Variants in FBXO34 observed in about 807,000 individuals in gnomAD.
FBXO34 encodes F-box protein 34, also known as F-box only protein 34.
In FBXO34, 12 loss-of-function variants were observed where a neutral mutation model predicts 24.5. The ratio of observed to expected loss-of-function variants is 0.49; its 90% CI spans 0.31 to 0.79. FBXO34 has a LOEUF of 0.79. FBXO34 is among the 30% of genes least tolerant of loss of function. The pLI is 0.04. For synonymous variants in FBXO34, 320 were observed against 311.9 expected, an observed-to-expected ratio of 1.03 and a Z score of -0.27; for missense variants, 823 against 857.7, an observed-to-expected ratio of 0.96 and a Z score of 0.51.
Position 55,325,277 on chromosome 14 carries a change from C to T in FBXO34, c.-10-25104C>T, listed in dbSNP as rs866415515. ...TTAGTTACTTTAGTGGATTTTTCTT[C>T]CCAACCAGACTGTTGCATAGGAACC... On this transcript the variant is annotated intron_variant, in intron 1 of 1. Transcript: ENST00000313833. Among the ~76,000 whole-genome samples, 18 of 152,228 alleles carry T rather than the reference C, an allele frequency of 1.2e-4. No individual in the cohort carries two copies. The South Asian group carries it at 2.7e-3, about 23-fold the overall frequency.
At chr14:55,382,266 GC>G in the FBXO34 span, 11 of 1,342,864 alleles carry the variant, frequency 8.2e-6, no homozygotes, top group Admixed American at 5.7e-5. Flanking sequence ...TGCAAGACAT[GC>G]TAGAACATCG....
At chr14:55,307,255 C>T (rs1882583120) in intron 1 of FBXO34, among the ~76,000 whole-genome samples, 2 of 152,178 alleles carry the variant, frequency 1.3e-5, no homozygotes, top group Admixed American at 1.3e-4. Flanking sequence ...TACTACTAGC[C>T]TTTTGTGTTC....
the FBXO34 span, chr14:55,391,293 G>C: frequency 2.2e-3 from 430 of 197,006 alleles, 2 homozygotes; most frequent in African/African-American, 9.8e-3. Context: ...GGCCAACATG[G>C]TGAAACCCCA....
At chr14:55,403,342 G>A in the FBXO34 span, among the ~76,000 whole-genome samples, 3 of 152,016 alleles carry the variant, frequency 2.0e-5, no homozygotes, top group Non-Finnish European at 4.4e-5. Context: ...ACCACAAAAA[G>A]AGACTGAGGG....
At chr14:55,429,374 G>A in the FBXO34 span, among the ~76,000 whole-genome samples, 3 of 152,190 alleles carry the variant, frequency 2.0e-5, no homozygotes, top group Non-Finnish European at 4.4e-5. Context: ...TGGGGGTGGG[G>A]CCGAGCAATC....
chr14:55,311,003 T>C (rs1882719949), intron 1 of FBXO34, among the ~76,000 whole-genome samples: 1 of 152,126 alleles, frequency 6.6e-6, no homozygotes, highest in Non-Finnish European at 1.5e-5. Context: ...AAATGCTGTT[T>C]GATTGCATTA....
chr14:55,353,854 A>C (rs1232327026), downstream of FBXO34, among the ~76,000 whole-genome samples: 1 of 152,072 alleles, frequency 6.6e-6, no homozygotes, highest in Non-Finnish European at 1.5e-5. Context: ...ATTATCTAGG[A>C]GATTCTTACA....
chr14:55,382,341 G>A, the FBXO34 span: 2 of 651,466 alleles, frequency 3.1e-6, no homozygotes, highest in Non-Finnish European at 2.6e-6. Flanking sequence ...AGAGATGGGT[G>A]TCACTCTGTT....
At chr14:55,327,112 G>A (rs1435759726) in intron 1 of FBXO34, among the ~76,000 whole-genome samples, 1 of 152,186 alleles carries the variant, frequency 6.6e-6, no homozygotes, top group African/African-American at 2.4e-5. Context: ...CAGTCAGGGA[G>A]TGCCTCTCTA....
intron 1 of FBXO34, among the ~76,000 whole-genome samples, chr14:55,281,726 A>G (rs1027143044): frequency 4.6e-5 from 7 of 152,130 alleles, no homozygotes; most frequent in African/African-American, 1.2e-4. Context: ...CCAAATTTCT[A>G]TGGTGTATAT....
downstream of FBXO34, chr14:55,369,891 C>T (rs368400738): frequency 6.2e-7 from 1 of 1,613,558 alleles, no homozygotes; most frequent in South Asian, 1.1e-5. Flanking sequence ...TCCATGGACT[C>T]CTCAAGGTCT....
At chr14:55,334,491 C>T (rs1402277559) in intron 1 of FBXO34, among the ~76,000 whole-genome samples, 2 of 127,584 alleles carry the variant, frequency 1.6e-5, no homozygotes, top group Non-Finnish European at 3.1e-5. Flanking sequence ...TCTGGGAATT[C>T]AACGGAGGCA....
intron 1 of FBXO34, chr14:55,339,532 A>T (rs906593934): frequency 5.3e-5 from 8 of 152,150 alleles, no homozygotes; most frequent in Non-Finnish European, 1.0e-4. Context: ...AGAATAATAC[A>T]CAACAATGAA....
At chr14:55,367,327 AT>A (rs1169685695) in exon 3 of FBXO34, 4 of 152,196 alleles carry the variant, frequency 2.6e-5, no homozygotes, top group Non-Finnish European at 5.9e-5. Flanking sequence ...CGTTAAGTTT[AT>A]TTATCTGTTC....
intron 1 of FBXO34, among the ~76,000 whole-genome samples, chr14:55,302,470 T>TA (rs1402401654): frequency 3.5e-5 from 5 of 143,488 alleles, no homozygotes; most frequent in African/African-American, 5.7e-5. Flanking sequence ...TTTTTTTTTT[T>TA]AATTGAGGCA....
In FBXO34 at chr14:55,298,902, G is replaced by A. The variant is rs1882239892; in HGVS notation, c.-11+27365G>A. The A allele has an allele frequency of 2.5e-6, 4 of 1,588,426 alleles. No homozygotes were observed. The South Asian group carries it at 3.3e-5, about 13-fold the overall frequency. ...GTTCCAGCAGCAGGCCCTGGAGAAT[G>A]CCAACACCAATACCGAGGTGCTCAA... is the stretch of plus-strand genomic sequence containing the variant. On this transcript the variant is annotated intron_variant, in intron 1 of 1. Transcript: ENST00000313833.
chr14:55,323,178 C>CTT, intron 1 of FBXO34, among the ~76,000 whole-genome samples: 1 of 40,402 alleles, frequency 2.5e-5, no homozygotes, highest in South Asian at 1.1e-3. Flanking sequence ...GAGTGAGACT[C>CTT]TGTCTCAAAA....
the FBXO34 span, among the ~76,000 whole-genome samples, chr14:55,429,185 C>T: frequency 6.6e-6 from 1 of 152,206 alleles, no homozygotes; most frequent in Non-Finnish European, 1.5e-5. Context: ...TGAACAGAAT[C>T]ATAAATTTTT....
chr14:55,442,974 C>T, the FBXO34 span, among the ~76,000 whole-genome samples: 1 of 152,186 alleles, frequency 6.6e-6, no homozygotes, highest in Admixed American at 6.5e-5. Context: ...CAAGAGAAAC[C>T]AGCCCTGCTG....
Sources: gnomAD v4.1 joint callset for allele counts (sites outside exome capture counted in the v4.1 genomes callset) on GRCh38, gnomAD v4.1.1 for gene constraint, MANE v1.5 for transcripts, NCBI Gene and HGNC (gene_info 2026-07-23, HGNC 2026-07-21) for gene names.